The following MALT1 variants were observed in gnomAD, a reference collection of about 807,000 sequenced individuals.
The protein encoded by MALT1 is MALT1 paracaspase, also known as mucosa-associated lymphoid tissue lymphoma translocation protein 1.
In MALT1, 36 loss-of-function variants were observed where a neutral mutation model predicts 85.5. The observed-to-expected ratio is 0.42, with a 90% CI of 0.32 to 0.56. The LOEUF is 0.56. Ranked by LOEUF, MALT1 falls within the 20% of genes least tolerant of loss-of-function variation. MALT1 has a pLI of 0.10. For missense variants in MALT1, 716 were observed against 981.6 expected, an observed-to-expected ratio of 0.73 and a Z score of 3.62; for synonymous variants, 359 against 361.3, an observed-to-expected ratio of 0.99 and a Z score of 0.07.
At chr18:58,716,593 G>GCCTA (rs1324739962) in intron 9 of MALT1, among the ~76,000 whole-genome samples, 1 of 152,194 alleles carries the variant, frequency 6.6e-6, no homozygotes, top group Non-Finnish European at 1.5e-5. Context: ...TGTTGAAAGT[G>GCCTA]CCTAATATGT....
In MALT1 at chr18:58,744,225, C is replaced by CAGTTT. The variant is rs1401891932; in HGVS notation, c.1754-112_1754-111insGTTTA. 4.7e-6 allele frequency: 3 copies of CAGTTT among 635,152 alleles called. No individual in the cohort carries two copies. In the African/African-American group the frequency reaches 5.5e-5, roughly 12 times the overall value. 39.3% of individuals were successfully genotyped at this position (635,152 alleles called of 1,614,324 possible). A position where few individuals can be genotyped will look rare whatever the true frequency, so the allele number is the denominator to read the frequency against. On this transcript the variant is annotated intron_variant, in intron 14 of 16. Transcript: ENST00000649217. ...ATTTTTTAAATTGTATGTGTTTAAACAATGTAAATCATGTTTTTAAGCAAA... is the reference window on the plus strand; with the variant it reads ...ATTTTTTAAATTGTATGTGTTTAAACAGTTTAATGTAAATCATGTTTTTAAGCAAA...
chr18:58,717,639 G>A (rs1381170388), intron 9 of MALT1, among the ~76,000 whole-genome samples: 5 of 151,594 alleles, frequency 3.3e-5, no homozygotes, highest in African/African-American at 7.3e-5. Context: ...CCAGCTACTC[G>A]GGAAGCTGAG....
At chr18:58,695,578 GT>G (rs1343986794) in intron 2 of MALT1, among the ~76,000 whole-genome samples, 1 of 152,160 alleles carries the variant, frequency 6.6e-6, no homozygotes, top group African/African-American at 2.4e-5. Context: ...TTTCAATGGT[GT>G]TGTCTTTGTC....
At chr18:58,695,190 A>G (rs1028007842) in intron 2 of MALT1, among the ~76,000 whole-genome samples, 5 of 151,902 alleles carry the variant, frequency 3.3e-5, no homozygotes, top group African/African-American at 1.2e-4. Context: ...AGTCTATTAA[A>G]CCTCTTTCTT....
At chr18:58,679,371 G>C (rs914877352) in intron 1 of MALT1, among the ~76,000 whole-genome samples, 1 of 152,230 alleles carries the variant, frequency 6.6e-6, no homozygotes, top group Non-Finnish European at 1.5e-5. Flanking sequence ...TTTGCAGCCA[G>C]GTATTCAGCT....
intron 10 of MALT1, among the ~76,000 whole-genome samples, chr18:58,727,631 T>G (rs1385090041): frequency 4.7e-5 from 7 of 149,522 alleles, no homozygotes; most frequent in East Asian, 1.9e-4. Context: ...TTTTTTTGTT[T>G]TTTTTTTTTT....
intron 2 of MALT1, among the ~76,000 whole-genome samples, chr18:58,692,788 G>A (rs927375030): frequency 2.0e-5 from 3 of 152,292 alleles, no homozygotes; most frequent in East Asian, 3.9e-4. Context: ...ACCAAGTTGC[G>A]AATGCAGAAG....
chr18:58,706,570 TC>T (rs1445150585), intron 4 of MALT1, among the ~76,000 whole-genome samples: 2 of 152,242 alleles, frequency 1.3e-5, no homozygotes, highest in Non-Finnish European at 2.9e-5. Flanking sequence ...AAATTTCCCT[TC>T]TGGCTGAAGA....
rs1555688173 is a variant in MALT1 at position 58,727,616 on chromosome 18, G to GGTTTTTTTTTT, written c.1222+4365_1222+4366insGTTTTTTTTTT. On this transcript the variant is annotated intron_variant, in intron 10 of 16. Transcript: ENST00000649217. ...ACCCAGCCTGCCAAAGGTTTTTTGT[G>GGTTTTTTTTTT]TTTTTTTTTTTGTTTTTTTTTTTTT... Among the ~76,000 whole-genome samples, 229 of 121,196 alleles carry GGTTTTTTTTTT rather than the reference G, an allele frequency of 1.9e-3. 2 individuals carry two copies. The highest frequency in any genetic ancestry group is 7.2e-3 in the African/African-American group (221 of 30,590). The allele number at this position is 121,196 out of a possible 152,430, so 79.5% of individuals were successfully genotyped here. A position where few individuals can be genotyped will look rare whatever the true frequency, so the allele number is the denominator to read the frequency against.
chr18:58,699,442 G>C (rs1602299364), intron 3 of MALT1, among the ~76,000 whole-genome samples: 1 of 152,328 alleles, frequency 6.6e-6, no homozygotes, highest in African/African-American at 2.4e-5. Flanking sequence ...GGTACTGAAA[G>C]GGGAGAGAGT....
chr18:58,750,921 A>G lies in MALT1; in HGVS notation c.*3079A>G, dbSNP rs182190219. 59 of 152,360 alleles carry G rather than the reference A, an allele frequency of 3.9e-4. 1 individual carries two copies. The highest frequency in any genetic ancestry group is 1.3e-3 in the African/African-American group (54 of 41,586). The allele number at this position is 152,360 out of a possible 1,614,324, so 9.4% of individuals were successfully genotyped here. ...AGCGCCTTAAAGGACACCATTAAGA[A>G]AGTGAAGTTAACCCTCAGAATGGGA... On this transcript the variant is annotated 3_prime_UTR_variant, in exon 17 of 17. Coordinates refer to ENST00000649217, the MANE Select transcript of MALT1 (RefSeq NM_006785.4).
chr18:58,744,593 TA>T (rs532178318), intron 15 of MALT1, 98 bp downstream of exon 15: 1 of 485,906 alleles, frequency 2.1e-6, no homozygotes, highest in East Asian at 4.1e-5. Context: ...ATAAAGGAAA[TA>T]TATATATTTA....
At chr18:58,744,592 ATATATATATT>A (rs1292533671) in intron 15 of MALT1, 97 bp downstream of exon 15, 2 of 533,218 alleles carry the variant, frequency 3.8e-6, no homozygotes, top group East Asian at 7.9e-5. Flanking sequence ...TATAAAGGAA[ATATATATATT>A]TATATATGTG....
chr18:58,705,644 G>A (rs977820915), intron 4 of MALT1, among the ~76,000 whole-genome samples: 3 of 150,288 alleles, frequency 2.0e-5, no homozygotes, highest in African/African-American at 7.3e-5. Context: ...TCCCTACAAA[G>A]GACATGAACT....
At chr18:58,681,422 T>G in intron 2 of MALT1, 86 bp downstream of exon 2, 1 of 1,291,798 alleles carries the variant, frequency 7.7e-7, no homozygotes. Context: ...GTGAACTGTG[T>G]TAAGTATTTT....
At chr18:58,689,468 A>G (rs188438354) in intron 2 of MALT1, among the ~76,000 whole-genome samples, 17 of 152,356 alleles carry the variant, frequency 1.1e-4, no homozygotes, top group Admixed American at 1.1e-3. Context: ...TATTATATAT[A>G]TTCAACAAAC....
At chr18:58,706,420 T>C (rs1000331466) in intron 4 of MALT1, among the ~76,000 whole-genome samples, 1 of 152,062 alleles carries the variant, frequency 6.6e-6, no homozygotes, top group African/African-American at 2.4e-5. Flanking sequence ...CTCCCAAACT[T>C]CTGGGATTAC....
chr18:58,688,872 C>T (rs145974148), intron 2 of MALT1, among the ~76,000 whole-genome samples: 3 of 152,106 alleles, frequency 2.0e-5, no homozygotes, highest in East Asian at 3.9e-4. Flanking sequence ...ACCAAGAGGC[C>T]GGTCATGGTG....
chr18:58,715,472 G>A (rs533657804), intron 8 of MALT1, among the ~76,000 whole-genome samples: 1 of 152,286 alleles, frequency 6.6e-6, no homozygotes, highest in East Asian at 1.9e-4. Flanking sequence ...TCCCTACATG[G>A]TGCTTCAGGT....
Sources: gnomAD v4.1 joint callset for allele counts (sites outside exome capture counted in the v4.1 genomes callset) on GRCh38, gnomAD v4.1.1 for gene constraint, MANE v1.5 for transcripts, NCBI Gene and HGNC (gene_info 2026-07-23, HGNC 2026-07-21) for gene names.